CACNG7: variants seen among roughly 807,000 people sequenced by gnomAD.
CACNG7 encodes voltage-dependent calcium channel gamma-7 subunit.
CACNG7 carries 9 observed loss-of-function variants against 26.3 expected under a neutral mutation model. The observed-to-expected ratio is 0.34, with a 90% CI of 0.21 to 0.60. The LOEUF is 0.60. Ranked by LOEUF, CACNG7 falls within the 20% of genes least tolerant of loss-of-function variation. The probability of loss-of-function intolerance (pLI) is 0.81; values close to 1 mark genes in which losing one functional copy is unlikely to be tolerated. For synonymous variants in CACNG7, 170 were observed against 157.0 expected (o/e 1.08, Z -0.62); for missense variants, 297 against 380.4 (o/e 0.78, Z 1.82).
chr19:53,915,716 T>A (rs17273190), intron 4 of CACNG7, among the ~76,000 whole-genome samples: 25,096 of 152,096 alleles, frequency 0.17, 2,316 homozygotes, highest in South Asian at 0.22. Context: ...GCTTACTGGG[T>A]GCTAATTAGG....
At chr19:53,917,649 C>T (rs1000906501) in intron 4 of CACNG7, among the ~76,000 whole-genome samples, 2 of 152,134 alleles carry the variant, frequency 1.3e-5, no homozygotes, top group African/African-American at 4.8e-5. Flanking sequence ...GAGAATATCA[C>T]GATCCTAGAG....
At chr19:53,941,689 G>A in intron 5 of CACNG7, 74 bp downstream of exon 5, 1 of 1,522,864 alleles carries the variant, frequency 6.6e-7, no homozygotes, top group Non-Finnish European at 8.9e-7. Flanking sequence ...CTGAGTCCAG[G>A]AGGAAGGAGA....
intron 4 of CACNG7, among the ~76,000 whole-genome samples, chr19:53,921,579 C>G (rs1378405829): frequency 1.7e-4 from 16 of 91,608 alleles, no homozygotes; most frequent in African/African-American, 8.0e-4. Context: ...GGTGGAGTTG[C>G]CCCAGGTCTG....
chr19:53,923,547 T>TGCCCCAG lies in CACNG7; in HGVS notation c.424+8043_424+8044insCCCCAGG, dbSNP rs1310730040. Reference sequence around the variant, plus strand: ...CCCCAGGTCTGGTCATTGGTGGAGTTGTCCCAGGTCTGGTCATTGGTGGAG... The same window carrying TGCCCCAG: ...CCCCAGGTCTGGTCATTGGTGGAGTTGCCCCAGGTCCCAGGTCTGGTCATTGGTGGAG... On this transcript the variant is annotated intron_variant, in intron 4 of 5. Coordinates refer to ENST00000391767, the MANE Select transcript of CACNG7 (RefSeq NM_031896.5). Among the ~76,000 whole-genome samples the TGCCCCAG allele has an allele frequency of 3.9e-4, 51 of 132,466 alleles. 2 individuals carry two copies. Among genetic ancestry groups the TGCCCCAG allele is most frequent in the African/African-American group, 8.6e-4 (30 of 34,894 alleles). The allele number at this position is 132,466 out of a possible 152,430, so 86.9% of individuals were successfully genotyped here. A position where few individuals can be genotyped will look rare whatever the true frequency, so the allele number is the denominator to read the frequency against.
In CACNG7 at chr19:53,909,948, G is replaced by T. The variant is rs1480512752; in HGVS notation, c.-30+431G>T. Among the ~76,000 whole-genome samples, 1 of 152,076 alleles carries T rather than the reference G, an allele frequency of 6.6e-6. No homozygotes were observed. Among genetic ancestry groups the T allele is most frequent in the Non-Finnish European group, 1.5e-5 (1 of 68,004 alleles). ...AAGACTTGCAGAAGGGGACCCCGGA[G>T]ATTCAAATGCCTGAATCCGGGAAAG... On this transcript the variant is annotated intron_variant, in intron 1 of 5. Coordinates refer to ENST00000391767, the MANE Select transcript of CACNG7 (RefSeq NM_031896.5). The surrounding 1 kb of genome is among the most constrained non-coding windows in gnomAD (Gnocchi z 5.1).
intron 4 of CACNG7, among the ~76,000 whole-genome samples, chr19:53,925,807 C>A (rs983351407): frequency 6.6e-6 from 1 of 152,192 alleles, no homozygotes; most frequent in Non-Finnish European, 1.5e-5. Context: ...CAGATAAGGT[C>A]TGTGCTGGGG....
At chr19:53,928,076 G>T in intron 4 of CACNG7, among the ~76,000 whole-genome samples, 1 of 78,108 alleles carries the variant, frequency 1.3e-5, no homozygotes, top group East Asian at 4.1e-4. Context: ...AGGGAGGGGA[G>T]AAAAAGAGAA....
At chr19:53,916,536 T>G (rs2068899715) in intron 4 of CACNG7, among the ~76,000 whole-genome samples, 1 of 144,156 alleles carries the variant, frequency 6.9e-6, no homozygotes, top group Non-Finnish European at 1.5e-5. Flanking sequence ...TTGCCCAGGC[T>G]GGAGTACAAT....
chr19:53,915,450 C>G lies in CACNG7; in HGVS notation c.369C>G (p.Ile123Met). 1 of 1,614,180 alleles carries G rather than the reference C, an allele frequency of 6.2e-7. No individual in the cohort carries two copies. Among genetic ancestry groups the G allele is most frequent in the Non-Finnish European group, 8.5e-7 (1 of 1,180,042 alleles). The change falls in exon 4 of 6, where the codon ATC becomes ATG. Residue 123 changes from isoleucine to methionine, a missense_variant. Physicochemically the swap from Ile to Met is conservative, Grantham distance 10. Coordinates refer to ENST00000391767, the MANE Select transcript of CACNG7 (RefSeq NM_031896.5). ...TCGTCATCAGCAACATCGGCCACATCCGCCCGCAGAGGACCATTCTGGCTT... is the reference window on the plus strand; with the variant it reads ...TCGTCATCAGCAACATCGGCCACATGCGCCCGCAGAGGACCATTCTGGCTT... ...TAFVISNIGHIRPQRTILAFV... is the reference protein window; with the variant it reads ...TAFVISNIGHMRPQRTILAFV...
intron 1 of CACNG7, among the ~76,000 whole-genome samples, chr19:53,910,571 C>T (rs769132326): frequency 1.3e-4 from 20 of 151,984 alleles, no homozygotes; most frequent in Non-Finnish European, 2.6e-4. Context: ...AAAAAGATCC[C>T]GGGTATTCAG....
intron 4 of CACNG7, among the ~76,000 whole-genome samples, chr19:53,919,545 A>G (rs2068922488): frequency 7.7e-6 from 1 of 129,674 alleles, no homozygotes; most frequent in Non-Finnish European, 1.6e-5. Context: ...AGGTCTGGTC[A>G]TTGGTGGAGT....
intron 2 of CACNG7, among the ~76,000 whole-genome samples, chr19:53,913,321 A>T (rs1448756102): frequency 2.2e-5 from 3 of 137,450 alleles, no homozygotes; most frequent in East Asian, 2.1e-4. Flanking sequence ...GGGCAAGATT[A>T]AAAAAAAAAA....
chr19:53,934,174 G>A (rs1455064398), intron 4 of CACNG7, among the ~76,000 whole-genome samples: 2 of 152,188 alleles, frequency 1.3e-5, no homozygotes, highest in Non-Finnish European at 2.9e-5. Flanking sequence ...TGGGATGACA[G>A]GCGTGAGCCA....
At chr19:53,919,551 G>A (rs542701900) in intron 4 of CACNG7, among the ~76,000 whole-genome samples, 51 of 146,806 alleles carry the variant, frequency 3.5e-4, no homozygotes, top group African/African-American at 1.3e-3. Context: ...GGTCATTGGT[G>A]GAGTTGCCCC....
intron 4 of CACNG7, among the ~76,000 whole-genome samples, chr19:53,919,780 A>G (rs547888033): frequency 1.5e-5 from 2 of 129,718 alleles, no homozygotes; most frequent in East Asian, 2.4e-4. Flanking sequence ...CAGGCTGGTC[A>G]TTGGTGGACT....
chr19:53,923,614 TC>T (rs1302436997), intron 4 of CACNG7, among the ~76,000 whole-genome samples: 1 of 124,936 alleles, frequency 8.0e-6, no homozygotes, highest in African/African-American at 3.4e-5. Context: ...CCAGGTCTGG[TC>T]ATTGGTGGAG....
chr19:53,936,930 G>A (rs1053011458), intron 4 of CACNG7, among the ~76,000 whole-genome samples: 3 of 151,892 alleles, frequency 2.0e-5, no homozygotes, highest in Non-Finnish European at 4.4e-5. Context: ...AGTTTTTTGA[G>A]ACAGTCTCCC....
At chr19:53,926,569 T>G (rs935886974) in intron 4 of CACNG7, among the ~76,000 whole-genome samples, 58 of 152,322 alleles carry the variant, frequency 3.8e-4, no homozygotes, top group African/African-American at 1.4e-3. Flanking sequence ...TTATTGCTAC[T>G]GTTGTGCCAT....
chr19:53,942,110 C>G lies in CACNG7; in HGVS notation c.645C>G (p.Ala215=). 1 of 1,614,000 alleles carries G rather than the reference C, an allele frequency of 6.2e-7. No homozygotes were observed. The highest frequency in any genetic ancestry group is 8.5e-7 in the Non-Finnish European group (1 of 1,179,940). ...AGGAGATGTACCGTCCACACCCGGC[C>G]TTCTACCGCCCGCGTCTCAGCGACT... The part of the protein sequence containing the change: ...AEEEMYRPHP[A]FYRPRLSDCS... The change falls in exon 6 of 6, where the codon GCC becomes GCG. Residue 215 remains alanine, a synonymous_variant. Transcript: ENST00000391767. The surrounding 1 kb of genome is among the most constrained non-coding windows in gnomAD (Gnocchi z 5.9).
Sources: gnomAD v4.1 joint callset for allele counts (sites outside exome capture counted in the v4.1 genomes callset) on GRCh38, gnomAD v4.1.1 for gene constraint, Gnocchi (gnomAD v3.1) non-coding constraint, MANE v1.5 for transcripts, NCBI Gene and HGNC (gene_info 2026-07-23, HGNC 2026-07-21) for gene names.